Variants in DIAPH3 observed in about 807,000 individuals in gnomAD.
DIAPH3 encodes the protein diaphanous related formin 3.
In DIAPH3, 117 loss-of-function variants were observed where a neutral mutation model predicts 144.3. The ratio of observed to expected loss-of-function variants is 0.81; its 90% CI spans 0.70 to 0.95. The LOEUF (loss-of-function observed/expected upper bound fraction) is 0.95. Among genes scored for constraint, DIAPH3 ranks in the 40% least tolerant of loss-of-function variants. DIAPH3 has a pLI of 0.00. For missense variants in DIAPH3, 1,421 were observed against 1,412.7 expected (o/e 1.01, Z -0.09); for synonymous variants, 519 against 488.9 (o/e 1.06, Z -0.81).
At chr13:60,011,097 C>T (rs1221882621) in intron 7 of DIAPH3, among the ~76,000 whole-genome samples, 2 of 151,654 alleles carry the variant, frequency 1.3e-5, no homozygotes, top group African/African-American at 4.8e-5. Context: ...AAGAGCAAAA[C>T]TCCGTCTCAA....
chr13:59,923,564 C>T (rs2047616340), intron 18 of DIAPH3, among the ~76,000 whole-genome samples: 2 of 152,112 alleles, frequency 1.3e-5, no homozygotes, highest in African/African-American at 4.8e-5. Flanking sequence ...TGATGGACAC[C>T]ACTCTGAATG....
At chr13:59,749,054 G>T (rs991808581) in intron 27 of DIAPH3, among the ~76,000 whole-genome samples, 1 of 150,906 alleles carries the variant, frequency 6.6e-6, no homozygotes, top group African/African-American at 2.4e-5. Context: ...TCTCTACTGA[G>T]AGTGAGATAG....
At chr13:59,816,618 C>T (rs962744125) in intron 24 of DIAPH3, among the ~76,000 whole-genome samples, 12 of 151,600 alleles carry the variant, frequency 7.9e-5, no homozygotes, top group African/African-American at 2.7e-4. Flanking sequence ...TTCATTTAAT[C>T]TTTCATATCC....
rs1331812423 is a variant in DIAPH3, at chr13:60,153,017, T to A, written c.180+10570A>T. ...TCAAGATTATCTTAAACATTAGAAC[T>A]AAAGTAAGCATATTCTGGACATTGT... On this transcript the variant is annotated intron_variant, in intron 1 of 27. Transcript: ENST00000400324. Among the ~76,000 whole-genome samples the A allele has an allele frequency of 5.3e-5, 8 of 152,276 alleles. No homozygotes were observed. The South Asian group carries it at 1.2e-3, about 24-fold the overall frequency.
At chr13:59,675,894 C>T (rs2032625203) in intron 27 of DIAPH3, among the ~76,000 whole-genome samples, 1 of 152,058 alleles carries the variant, frequency 6.6e-6, no homozygotes, top group Non-Finnish European at 1.5e-5. Context: ...AGGTAGATTC[C>T]GAGTGCTAAT....
chr13:60,102,775 A>G (rs375366403), intron 3 of DIAPH3, among the ~76,000 whole-genome samples: 1 of 152,070 alleles, frequency 6.6e-6, no homozygotes, highest in Non-Finnish European at 1.5e-5. Flanking sequence ...ATAACGACTG[A>G]CCCCTGCCAA....
chr13:59,958,094 C>T (rs890774516), intron 17 of DIAPH3, among the ~76,000 whole-genome samples: 2 of 152,084 alleles, frequency 1.3e-5, no homozygotes, highest in Non-Finnish European at 1.5e-5. Context: ...TGTGAAATGT[C>T]GCTGCAATAG....
intron 19 of DIAPH3, among the ~76,000 whole-genome samples, chr13:59,912,984 C>T (rs141774776): frequency 6.6e-6 from 1 of 152,100 alleles, no homozygotes; most frequent in Non-Finnish European, 1.5e-5. Context: ...ACTATTAATA[C>T]TATCAAATTG....
Position 59,745,691 on chromosome 13 carries a change from A to C in DIAPH3, c.3319+28498T>G, listed in dbSNP as rs142130734. On this transcript the variant is annotated intron_variant, in intron 27 of 27. Transcript: ENST00000400324. ...ATGTATTATACTAGCTAGGGAAGGC[A>C]GACTGGAGAGGAGCAGCCTACCCAG... Among the ~76,000 whole-genome samples, 77 of 152,340 alleles carry C rather than the reference A, an allele frequency of 5.1e-4. No homozygotes were observed. The East Asian group carries it at 0.014, about 27-fold the overall frequency.
At chr13:59,742,127 A>G (rs2139053802) in intron 27 of DIAPH3, among the ~76,000 whole-genome samples, 1 of 152,216 alleles carries the variant, frequency 6.6e-6, no homozygotes, top group South Asian at 2.1e-4. Context: ...ATCTCATGAG[A>G]CTTATTCACT....
intron 21 of DIAPH3, 114 bp from the exon 22 acceptor site, chr13:59,861,650 A>C: frequency 8.4e-7 from 1 of 1,186,838 alleles, no homozygotes; most frequent in Non-Finnish European, 1.2e-6. Context: ...TTGTAAAATT[A>C]GTTGATTTCG....
intron 2 of DIAPH3, among the ~76,000 whole-genome samples, chr13:60,124,902 A>G (rs2058947862): frequency 6.6e-6 from 1 of 152,064 alleles, no homozygotes; most frequent in South Asian, 2.1e-4. Context: ...AGCGGAGAAA[A>G]GGATAGTACT....
At chr13:60,109,809 G>A (rs1566782968) in intron 3 of DIAPH3, among the ~76,000 whole-genome samples, 1 of 152,174 alleles carries the variant, frequency 6.6e-6, no homozygotes, top group Non-Finnish European at 1.5e-5. Flanking sequence ...GAGTTCAGGA[G>A]TAATCACTGA....
At chr13:60,100,717 T>C in intron 3 of DIAPH3, among the ~76,000 whole-genome samples, 1 of 152,018 alleles carries the variant, frequency 6.6e-6, no homozygotes, top group South Asian at 2.1e-4. Flanking sequence ...AATTGAAATA[T>C]TTTAATAGAA....
At chr13:59,962,523 C>T (rs905691083) in intron 17 of DIAPH3, among the ~76,000 whole-genome samples, 6 of 152,186 alleles carry the variant, frequency 3.9e-5, no homozygotes, top group Non-Finnish European at 7.3e-5. Flanking sequence ...GGCCACACTC[C>T]TCCTGGGCAG....
intron 27 of DIAPH3, among the ~76,000 whole-genome samples, chr13:59,683,012 T>A (rs1369089151): frequency 1.3e-5 from 2 of 152,238 alleles, no homozygotes; most frequent in African/African-American, 4.8e-5. Flanking sequence ...TGTTTCATAA[T>A]TCTTTGGTGT....
chr13:59,837,785 A>AT (rs1318423253), intron 23 of DIAPH3: 1 of 151,834 alleles, frequency 6.6e-6, no homozygotes, highest in Non-Finnish European at 1.5e-5. Flanking sequence ...GAAAAAAAAA[A>AT]AAAAAGCCTT....
At chr13:60,061,153 A>G (rs2056754835) in intron 4 of DIAPH3, among the ~76,000 whole-genome samples, 1 of 152,150 alleles carries the variant, frequency 6.6e-6, no homozygotes, top group Non-Finnish European at 1.5e-5. Flanking sequence ...TTAAAAGACC[A>G]GGATTGGAAA....
chr13:60,060,876 T>C (rs1482778686), intron 4 of DIAPH3, among the ~76,000 whole-genome samples: 1 of 152,066 alleles, frequency 6.6e-6, no homozygotes, highest in Non-Finnish European at 1.5e-5. Flanking sequence ...GGATGTTCTG[T>C]AAAAACCCAG....
Sources: gnomAD v4.1 joint callset for allele counts (sites outside exome capture counted in the v4.1 genomes callset) on GRCh38, gnomAD v4.1.1 for gene constraint, MANE v1.5 for transcripts, NCBI Gene and HGNC (gene_info 2026-07-23, HGNC 2026-07-21) for gene names.